Variants in GPR137 observed in about 807,000 individuals in gnomAD.
GPR137 encodes G protein-coupled receptor 137.
In GPR137, 20 loss-of-function variants were observed where a neutral mutation model predicts 38.9. The ratio of observed to expected loss-of-function variants is 0.51; its 90% CI spans 0.36 to 0.75. The LOEUF (loss-of-function observed/expected upper bound fraction) is 0.75, where lower values mean the gene tolerates loss of function less well. Among genes scored for constraint, GPR137 ranks in the 30% least tolerant of loss-of-function variants. GPR137 has a pLI of 0.00. For synonymous variants in GPR137, 226 were observed against 235.8 expected (o/e 0.96, Z 0.38); for missense variants, 456 against 526.4 (o/e 0.87, Z 1.31).
chr11:64,282,881 GAAAAAA>G (rs541902877), upstream of GPR137, among the ~76,000 whole-genome samples: 5 of 88,060 alleles, frequency 5.7e-5, no homozygotes, highest in Non-Finnish European at 1.1e-4. Flanking sequence ...TCCGTCTCAG[GAAAAAA>G]AAAAAAAAAA....
upstream of GPR137, chr11:64,284,798 C>T: frequency 1.3e-6 from 2 of 1,530,082 alleles, no homozygotes; most frequent in Non-Finnish European, 8.7e-7. Context: ...CGGCCCGGCC[C>T]CGCCCCCCCG....
chr11:64,286,813 C>G lies in GPR137; in HGVS notation c.289C>G (p.Leu97Val). The change falls in exon 1 of 7, where the codon CTT (leucine) becomes GTT (valine). Residue 97 changes from leucine (L) to valine (V), a missense_variant. By Grantham distance (32) the Leu-to-Val change is conservative. Transcript: ENST00000438980. Reference sequence around the variant, plus strand: ...CCGCCTGGGGCCCTTGCCCTTCTGGCTTCTCTACTGCTGCCCCGTCTGCCT... The same window carrying G: ...CCGCCTGGGGCCCTTGCCCTTCTGGGTTCTCTACTGCTGCCCCGTCTGCCT... ...ANRLGPLPFW[L>V]LYCCPVCLQF... is the part of the protein sequence containing the mutation. 1.2e-6 allele frequency: 2 copies of G among 1,601,760 alleles called. No homozygotes were observed. The highest frequency in any genetic ancestry group is 2.2e-5 in the South Asian group (2 of 89,480).
chr11:64,286,243 A>G lies in GPR137; in HGVS notation c.-282A>G. 8.0e-7 allele frequency: 1 copy of G among 1,253,178 alleles called. No individual in the cohort carries two copies. Among genetic ancestry groups the G allele is most frequent in the Non-Finnish European group, 1.0e-6 (1 of 996,118 alleles). The allele number at this position is 1,253,178 out of a possible 1,614,324, so 77.6% of individuals were successfully genotyped here. ...CCATCCTTGGCTCTGGGGTAGGCCC[A>G]GGGAGGAGACACCCCCAACCCCTAT... On this transcript the variant is annotated 5_prime_UTR_variant, in exon 1 of 7. Coordinates refer to ENST00000438980, the MANE Select transcript of GPR137 (RefSeq NM_001170880.2).
upstream of GPR137, chr11:64,284,277 G>A (rs1411168662): frequency 6.2e-7 from 1 of 1,611,736 alleles, no homozygotes; most frequent in Non-Finnish European, 8.5e-7. Context: ...GGAGCCTGAG[G>A]GCCCGTCCCC....
chr11:64,270,930 CACG>C (rs2032477951), upstream of GPR137, among the ~76,000 whole-genome samples: 1 of 104,822 alleles, frequency 9.5e-6, no homozygotes, highest in Admixed American at 9.9e-5. Flanking sequence ...CACACACACA[CACG>C]CCTGGAGTGG....
chr11:64,288,024 G>A lies in GPR137; in HGVS notation c.634-41G>A, dbSNP rs751520770. The A allele has an allele frequency of 3.1e-6, 5 of 1,605,370 alleles. No individual in the cohort carries two copies. Among genetic ancestry groups the A allele is most frequent in the Admixed American group, 1.7e-5 (1 of 60,022 alleles). On this transcript the variant is annotated intron_variant, in intron 3 of 6. Coordinates refer to ENST00000438980, the MANE Select transcript of GPR137 (RefSeq NM_001170880.2). The surrounding 1 kb of genome is among the most constrained non-coding windows in gnomAD (Gnocchi z 5.5). ...TCTCAGGGTGTAGAGGAAGCTGGGA[G>A]CCTTCTCTCCCTGAGGGTCCTCTGT...
At chr11:64,270,900 G>GACAC (rs71045754), upstream of GPR137, among the ~76,000 whole-genome samples, 40 of 87,652 alleles carry the variant, frequency 4.6e-4, no homozygotes, top group East Asian at 1.3e-3. Context: ...TGCCCTGTGA[G>GACAC]ACACACACAC....
rs2034547352 is a variant in GPR137 at position 64,289,489 on chromosome 11, C to T, written c.*293C>T. The stretch of plus-strand genomic sequence containing the variant: ...GCCACTCAATAAACAGTGTCTGCGC[C>T]CCACAGTTGTGCACCTGTCTGTCAT... On this transcript the variant is annotated 3_prime_UTR_variant, in exon 7 of 7. Transcript: ENST00000438980. The T allele has an allele frequency of 7.7e-6, 11 of 1,420,584 alleles. No individual in the cohort carries two copies. Among genetic ancestry groups the T allele is most frequent in the Non-Finnish European group, 1.0e-5 (11 of 1,071,938 alleles). 88.0% of individuals were successfully genotyped at this position (1,420,584 alleles called of 1,614,324 possible).
chr11:64,285,841 G>A (rs1685216103), upstream of GPR137: 2 of 981,938 alleles, frequency 2.0e-6, no homozygotes, highest in Admixed American at 6.2e-5. Flanking sequence ...CGGAGGGGGA[G>A]GGGGGCGGAG....
intron 2 of GPR137, 195 bp from the exon 3 acceptor site, chr11:64,287,526 C>T (rs945382255): frequency 5.5e-5 from 40 of 727,036 alleles, no homozygotes; most frequent in Non-Finnish European, 6.6e-5. Flanking sequence ...GTTGGTGCAC[C>T]TTCCGAAGTA....
upstream of GPR137, chr11:64,284,554 C>T (rs1454823530): frequency 4.0e-6 from 6 of 1,496,724 alleles, no homozygotes; most frequent in Non-Finnish European, 5.3e-6. Flanking sequence ...GCTGTCGGCT[C>T]AGGACCTCAG....
At chr11:64,284,476 G>T, upstream of GPR137, 6 of 1,590,142 alleles carry the variant, frequency 3.8e-6, no homozygotes, top group Non-Finnish European at 5.1e-6. Context: ...CCACCGTAGC[G>T]CCCCCAGGCC....
upstream of GPR137, chr11:64,285,415 C>A: frequency 1.0e-6 from 1 of 984,384 alleles, no homozygotes; most frequent in Non-Finnish European, 1.2e-6. Context: ...GGGCGAGGGG[C>A]GGGCCCGCGC....
upstream of GPR137, among the ~76,000 whole-genome samples, chr11:64,270,857 C>G (rs1456070523): frequency 6.8e-6 from 1 of 147,332 alleles, no homozygotes; most frequent in African/African-American, 2.4e-5. Context: ...GGAGCTTTGG[C>G]CTGGAGTGGG....
chr11:64,286,222 C>T lies in GPR137; in HGVS notation c.-303C>T, dbSNP rs79073180. 562 of 1,190,550 alleles carry T rather than the reference C, an allele frequency of 4.7e-4. 9 individuals are homozygous for T. The East Asian group carries it at 0.018, about 38-fold the overall frequency. 73.7% of individuals were successfully genotyped at this position (1,190,550 alleles called of 1,614,324 possible). On this transcript the variant is annotated 5_prime_UTR_variant, in exon 1 of 7. Coordinates refer to ENST00000438980, the MANE Select transcript of GPR137 (RefSeq NM_001170880.2). ...TCCTTGGGCCTCTGCATCCCCCCATCCTTGGCTCTGGGGTAGGCCCAGGGA... is the reference window on the plus strand; with the variant it reads ...TCCTTGGGCCTCTGCATCCCCCCATTCTTGGCTCTGGGGTAGGCCCAGGGA...
upstream of GPR137, chr11:64,284,512 G>A (rs975562595): frequency 1.9e-6 from 3 of 1,548,606 alleles, no homozygotes; most frequent in South Asian, 2.3e-5. Flanking sequence ...GCCCTCATCT[G>A]TCTGCCGGGT....
upstream of GPR137, among the ~76,000 whole-genome samples, chr11:64,275,018 G>C (rs1354486768): frequency 9.9e-6 from 1 of 101,298 alleles, no homozygotes. Flanking sequence ...AAAAAAAAGC[G>C]AGTAAGGGAA....
intron 2 of GPR137, chr11:64,276,643 A>G: frequency 4.8e-6 from 2 of 418,720 alleles, no homozygotes; most frequent in East Asian, 8.7e-5. Context: ...TGAATTTTTA[A>G]AAAGTGTTCT....
In GPR137 at chr11:64,287,767, C is replaced by A; in HGVS notation, c.454C>A (p.Leu152Met). 1 of 1,607,098 alleles carries A rather than the reference C, an allele frequency of 6.2e-7. No individual in the cohort carries two copies. The highest frequency in any genetic ancestry group is 8.5e-7 in the Non-Finnish European group (1 of 1,179,936). Reference sequence around the variant, plus strand: ...TGTGGGGGCCTCGCTGCTCTTTCTGCTGGTGAACGTGCTGTGTGCTGTGCT... The same window carrying A: ...TGTGGGGGCCTCGCTGCTCTTTCTGATGGTGAACGTGCTGTGTGCTGTGCT... The part of the protein sequence containing the change: ...AFVGASLLFL[L>M]VNVLCAVLSH... The change falls in exon 3 of 7, where the codon CTG (leucine) becomes ATG (methionine). Residue 152 changes from leucine to methionine, a missense_variant. Physicochemically the swap from Leu to Met is conservative, Grantham distance 15. Transcript: ENST00000438980.
Sources: allele counts gnomAD v4.1 joint callset (sites outside exome capture counted in the v4.1 genomes callset), GRCh38; gene constraint gnomAD v4.1.1; non-coding constraint Gnocchi (gnomAD v3.1); transcripts MANE v1.5; gene names NCBI Gene and HGNC (gene_info 2026-07-23, HGNC 2026-07-21).